ZFTRAF1: variants seen among roughly 807,000 people sequenced by gnomAD.
ZFTRAF1 encodes zinc finger TRAF-type and ring finger containing 1, also known as zinc finger TRAF-type-containing protein 1.
the ZFTRAF1 span, chr8:144,452,516 A>G: frequency 2.6e-6 from 4 of 1,542,840 alleles, no homozygotes; most frequent in Non-Finnish European, 3.5e-6. Context: ...CCGTCAGCTC[A>G]TGGAAGGGGC....
chr8:144,458,923 C>T, the ZFTRAF1 span, among the ~76,000 whole-genome samples: 1 of 152,226 alleles, frequency 6.6e-6, no homozygotes, highest in African/African-American at 2.4e-5. Context: ...CACTTACACC[C>T]GAGTGAGCCC....
the ZFTRAF1 span, among the ~76,000 whole-genome samples, chr8:144,460,633 A>G: frequency 6.6e-6 from 1 of 152,248 alleles, no homozygotes; most frequent in Admixed American, 6.5e-5. Flanking sequence ...CTGTAATCTC[A>G]GCACTTCAGA....
At chr8:144,461,723 C>A in the ZFTRAF1 span, among the ~76,000 whole-genome samples, 3 of 152,148 alleles carry the variant, frequency 2.0e-5, no homozygotes, top group Non-Finnish European at 4.4e-5. Context: ...CCTTACTGTT[C>A]TTCAGGATGA....
chr8:144,454,219 T>A, the ZFTRAF1 span: 2 of 152,346 alleles, frequency 1.3e-5, no homozygotes, highest in African/African-American at 2.4e-5. Context: ...CAGTGGCCTA[T>A]CCTGGCTCTC....
the ZFTRAF1 span, chr8:144,455,102 G>A: frequency 5.9e-5 from 9 of 152,234 alleles, no homozygotes; most frequent in African/African-American, 9.7e-5. Flanking sequence ...GTCACCTGAG[G>A]TTAGGAGTTC....
chr8:144,462,096 G>A, the ZFTRAF1 span, among the ~76,000 whole-genome samples: 4 of 152,194 alleles, frequency 2.6e-5, no homozygotes, highest in African/African-American at 7.2e-5. Flanking sequence ...CTGAGAGAAA[G>A]ACAACGAGGA....
chr8:144,461,445 A>C, the ZFTRAF1 span, among the ~76,000 whole-genome samples: 1 of 152,072 alleles, frequency 6.6e-6, no homozygotes, highest in Non-Finnish European at 1.5e-5. Context: ...TGTCAAACCC[A>C]CCTGGGCCAG....
the ZFTRAF1 span, chr8:144,462,271 C>T: frequency 1.8e-6 from 1 of 564,998 alleles, no homozygotes; most frequent in African/African-American, 2.0e-5. Flanking sequence ...CGGGGTCGGC[C>T]GGCGGCCCTA....
chr8:144,462,505 A>G, the ZFTRAF1 span: 1 of 168,298 alleles, frequency 5.9e-6, no homozygotes, highest in South Asian at 1.5e-4. Flanking sequence ...CCGGGAGCCC[A>G]GGCCCCGCCG....
At chr8:144,458,701 G>A in the ZFTRAF1 span, among the ~76,000 whole-genome samples, 1 of 152,220 alleles carries the variant, frequency 6.6e-6, no homozygotes, top group Non-Finnish European at 1.5e-5. Flanking sequence ...GAACAGAGTG[G>A]ACACACCCTG....
At chr8:144,461,327 A>G in the ZFTRAF1 span, among the ~76,000 whole-genome samples, 7 of 152,232 alleles carry the variant, frequency 4.6e-5, no homozygotes. Flanking sequence ...CATTTCTCAC[A>G]GGGACTGGGG....
At chr8:144,462,343 C>G in the ZFTRAF1 span, 15 of 508,448 alleles carry the variant, frequency 3.0e-5, no homozygotes, top group South Asian at 4.0e-4. Flanking sequence ...CCGAGTAGAG[C>G]CGCTCCTCCA....
the ZFTRAF1 span, chr8:144,462,378 C>T: frequency 3.2e-5 from 15 of 471,954 alleles, no homozygotes; most frequent in Non-Finnish European, 4.6e-5. Flanking sequence ...GCCGCCGCCG[C>T]CGCCGCCGCC....
the ZFTRAF1 span, among the ~76,000 whole-genome samples, chr8:144,460,990 G>A: frequency 1.3e-5 from 2 of 152,244 alleles, no homozygotes; most frequent in African/African-American, 4.8e-5. Flanking sequence ...CCAAAGCCAA[G>A]GAGTAACTGC....
At chr8:144,461,856 A>C in the ZFTRAF1 span, among the ~76,000 whole-genome samples, 1 of 151,974 alleles carries the variant, frequency 6.6e-6, no homozygotes, top group East Asian at 1.9e-4. Context: ...ATGGGGAAGG[A>C]GCTCTCGAGC....
the ZFTRAF1 span, chr8:144,450,341 G>A: frequency 2.9e-6 from 2 of 699,006 alleles, no homozygotes; most frequent in Non-Finnish European, 5.3e-6. Flanking sequence ...GTGCTGGGAT[G>A]CCGCCCGTGG....
the ZFTRAF1 span, chr8:144,455,713 C>A: frequency 2.0e-5 from 3 of 152,312 alleles, no homozygotes; most frequent in East Asian, 1.9e-4. Context: ...GTGGCCCGAC[C>A]CCCAAGGGAG....
At chr8:144,460,547 C>T in the ZFTRAF1 span, among the ~76,000 whole-genome samples, 1 of 152,370 alleles carries the variant, frequency 6.6e-6, no homozygotes, top group Non-Finnish European at 1.5e-5. Context: ...CCCGTGGCCT[C>T]ACACCATTGG....
chr8:144,453,873 A>T, the ZFTRAF1 span: 1 of 185,470 alleles, frequency 5.4e-6, no homozygotes, highest in African/African-American at 2.3e-5. Context: ...TGGGGAGCGG[A>T]TGCAGCTCCC....
Sources: gnomAD v4.1 joint callset for allele counts (sites outside exome capture counted in the v4.1 genomes callset) on GRCh38, gnomAD v4.1.1 for gene constraint, MANE v1.5 for transcripts, NCBI Gene and HGNC (gene_info 2026-07-23, HGNC 2026-07-21) for gene names.